Variants in ABI3BP observed in about 807,000 individuals in gnomAD.
The protein encoded by ABI3BP is target of Nesh-SH3.
In ABI3BP, 216 loss-of-function variants were observed where a neutral mutation model predicts 268.6. That is an observed-to-expected ratio of 0.80 (90% CI 0.72 to 0.90). The LOEUF (loss-of-function observed/expected upper bound fraction) is 0.90, where lower values mean the gene tolerates loss of function less well. Among genes scored for constraint, ABI3BP ranks in the 40% least tolerant of loss-of-function variants. ABI3BP has a pLI of 0.00. For synonymous variants in ABI3BP, 730 were observed against 730.0 expected (o/e 1.00, Z 0.00); for missense variants, 2,090 against 2,182.4 (o/e 0.96, Z 0.84).
At chr3:100,977,852 CTG>C (rs1361604792) in intron 1 of ABI3BP, among the ~76,000 whole-genome samples, 2 of 152,084 alleles carry the variant, frequency 1.3e-5, no homozygotes, top group African/African-American at 4.8e-5. Context: ...ATAAAATAAA[CTG>C]TGTGTTCACA....
At chr3:100,753,780 A>C in intron 65 of ABI3BP, 39 bp downstream of exon 65, 1 of 1,605,118 alleles carries the variant, frequency 6.2e-7, no homozygotes, top group Non-Finnish European at 8.5e-7. Flanking sequence ...ATAAATTTAG[A>C]AAAGCATGTA....
intron 1 of ABI3BP, among the ~76,000 whole-genome samples, chr3:100,959,761 G>A (rs986607949): frequency 1.3e-5 from 2 of 152,136 alleles, no homozygotes; most frequent in African/African-American, 4.8e-5. Context: ...AGAGAAATTT[G>A]AGGCCTGTGG....
rs186693845 is a variant in ABI3BP at position 100,874,488 on chromosome 3, C to T, written c.910+353G>A. ...AAATAATAATTCTAATGAACCTGAC[C>T]TTCACATCAATTCTCATTGCAAATA... On this transcript the variant is annotated intron_variant, in intron 9 of 67. Transcript: ENST00000471714. 9.2e-5 allele frequency among the ~76,000 whole-genome samples: 14 copies of T among 151,962 alleles called. No individual in the cohort carries two copies. The East Asian group carries it at 2.7e-3, about 29-fold the overall frequency.
intron 6 of ABI3BP, among the ~76,000 whole-genome samples, chr3:100,878,216 A>G (rs1217167638): frequency 6.6e-6 from 1 of 152,220 alleles, no homozygotes; most frequent in East Asian, 1.9e-4. Flanking sequence ...GGAAAAATGC[A>G]GAATATAAAT....
intron 61 of ABI3BP, among the ~76,000 whole-genome samples, chr3:100,771,838 A>G (rs1006998541): frequency 6.6e-6 from 1 of 152,162 alleles, no homozygotes; most frequent in Non-Finnish European, 1.5e-5. Context: ...AGAAAAAAAT[A>G]TTTTAAGAAA....
chr3:100,823,060 T>C (rs963035903), intron 37 of ABI3BP, among the ~76,000 whole-genome samples: 2 of 152,088 alleles, frequency 1.3e-5, no homozygotes, highest in Admixed American at 1.3e-4. Flanking sequence ...ATTATGACCT[T>C]ATTAGAGACA....
At chr3:100,754,379 G>A (rs925524355) in intron 64 of ABI3BP, among the ~76,000 whole-genome samples, 1 of 152,072 alleles carries the variant, frequency 6.6e-6, no homozygotes, top group Non-Finnish European at 1.5e-5. Flanking sequence ...CTAGCTTTTT[G>A]GAAGAGTATA....
chr3:100,885,492 A>T, intron 6 of ABI3BP, 44 bp downstream of exon 6: 1 of 1,194,404 alleles, frequency 8.4e-7, no homozygotes, highest in Non-Finnish European at 1.2e-6. Context: ...AACAATGCAG[A>T]TACAATTTTT....
chr3:100,975,781 G>A (rs888571858), intron 1 of ABI3BP, among the ~76,000 whole-genome samples: 5 of 151,948 alleles, frequency 3.3e-5, no homozygotes, highest in Non-Finnish European at 7.4e-5. Flanking sequence ...GTGGTTCCCT[G>A]AATGATGATA....
rs75973788 is a variant in ABI3BP at position 100,781,785 on chromosome 3, C to G, written c.4163-1576G>C. Among the ~76,000 whole-genome samples the G allele has an allele frequency of 4.0e-3, 609 of 152,256 alleles. 5 individuals carry two copies. Among genetic ancestry groups the G allele is most frequent in the African/African-American group, 0.014 (564 of 41,560 alleles). On this transcript the variant is annotated intron_variant, in intron 57 of 67. Transcript: ENST00000471714. ...CCCTTGAAAAACAAAGTATCTTGAT[C>G]CAATACTGTGCAAGTGCCTTACATA...
At chr3:100,908,297 T>A (rs1365937306) in intron 2 of ABI3BP, among the ~76,000 whole-genome samples, 1 of 152,150 alleles carries the variant, frequency 6.6e-6, no homozygotes, top group Middle Eastern at 3.2e-3. Context: ...GCCAGACCCT[T>A]GCTGGCACCA....
At chr3:100,982,495 A>G (rs1053504987) in intron 1 of ABI3BP, among the ~76,000 whole-genome samples, 7 of 151,616 alleles carry the variant, frequency 4.6e-5, no homozygotes, top group African/African-American at 1.7e-4. Flanking sequence ...GGTTGGTGCA[A>G]AAGTAATTGT....
Position 100,754,208 on chromosome 3 carries a change from C to A in ABI3BP, c.4931-360G>T, listed in dbSNP as rs997574700. On this transcript the variant is annotated intron_variant, in intron 64 of 67. Coordinates refer to ENST00000471714, the MANE Select transcript of ABI3BP (RefSeq NM_001375547.2). ...AACTACAGTTGGTATAAAAATTATG[C>A]AAATATTAATGCTGTATGTGCAGAT... is the stretch of plus-strand genomic sequence containing the variant. Among the ~76,000 whole-genome samples, 8 of 152,132 alleles carry A rather than the reference C, an allele frequency of 5.3e-5. No individual in the cohort carries two copies. In the South Asian group the frequency reaches 1.0e-3, roughly 20 times the overall value.
intron 2 of ABI3BP, among the ~76,000 whole-genome samples, chr3:100,905,154 C>A (rs926236409): frequency 2.0e-5 from 3 of 152,110 alleles, no homozygotes; most frequent in African/African-American, 7.2e-5. Context: ...AGCAAACTAT[C>A]GCAAGGACAA....
intron 18 of ABI3BP, among the ~76,000 whole-genome samples, chr3:100,848,110 G>A (rs970331163): frequency 2.6e-5 from 4 of 152,072 alleles, no homozygotes; most frequent in African/African-American, 7.2e-5. Context: ...AATGTACGTT[G>A]TGCTGTCATT....
At chr3:100,942,489 G>A (rs1561900802) in intron 1 of ABI3BP, among the ~76,000 whole-genome samples, 1 of 152,022 alleles carries the variant, frequency 6.6e-6, no homozygotes, top group Non-Finnish European at 1.5e-5. Context: ...AGTCATTATT[G>A]TTTTTTAATA....
intron 62 of ABI3BP, among the ~76,000 whole-genome samples, chr3:100,770,357 T>G (rs2096505628): frequency 6.6e-6 from 1 of 152,170 alleles, no homozygotes; most frequent in Admixed American, 6.5e-5. Flanking sequence ...GAAGTAACCT[T>G]TAGTCTGCTA....
At chr3:100,857,438 T>A (rs184460715) in intron 14 of ABI3BP, among the ~76,000 whole-genome samples, 1 of 152,240 alleles carries the variant, frequency 6.6e-6, no homozygotes, top group Non-Finnish European at 1.5e-5. Flanking sequence ...GAACAAGTTA[T>A]TTAACTGGTA....
chr3:100,879,639 GTACAGACCAGTGTCCAGT>G (rs2099205505), intron 6 of ABI3BP, among the ~76,000 whole-genome samples: 2 of 152,160 alleles, frequency 1.3e-5, no homozygotes, highest in Non-Finnish European at 2.9e-5. Context: ...TCTGACTCCA[GTACAGACCAGTGTCCAGT>G]TACAGACCAG....
Sources: allele counts gnomAD v4.1 joint callset (sites outside exome capture counted in the v4.1 genomes callset), GRCh38; gene constraint gnomAD v4.1.1; transcripts MANE v1.5; gene names NCBI Gene and HGNC (gene_info 2026-07-23, HGNC 2026-07-21).